Variants in SENP5 observed in about 807,000 individuals in gnomAD.
SENP5 encodes sentrin-specific protease 5.
A neutral mutation model predicts 74.2 loss-of-function variants in SENP5; 21 were observed. That is an observed-to-expected ratio of 0.28 (90% CI 0.20 to 0.41). The LOEUF is 0.41. Ranked by LOEUF, SENP5 falls within the 10% of genes least tolerant of loss-of-function variation. The pLI, the probability that SENP5 is intolerant of heterozygous loss-of-function variation, is 1.00. For synonymous variants in SENP5, 311 were observed against 312.7 expected (o/e 0.99, Z 0.06); for missense variants, 717 against 889.1 (o/e 0.81, Z 2.46).
intron 4 of SENP5, 61 bp downstream of exon 4, chr3:196,900,123 T>C: frequency 2.6e-6 from 4 of 1,562,446 alleles, no homozygotes; most frequent in Admixed American, 3.9e-5. Flanking sequence ...CAATAAAATA[T>C]AATCTCTAGT....
chr3:196,918,396 CTTTTT>C (rs34494616), intron 6 of SENP5, among the ~76,000 whole-genome samples: 1 of 141,466 alleles, frequency 7.1e-6, no homozygotes, highest in African/African-American at 2.6e-5. Context: ...TTTCTCTTGA[CTTTTT>C]TTTTTTTTGG....
chr3:196,922,322 C>A (rs1158086507), intron 6 of SENP5, among the ~76,000 whole-genome samples: 1 of 152,160 alleles, frequency 6.6e-6, no homozygotes, highest in Non-Finnish European at 1.5e-5. Flanking sequence ...CGTGGAAGAG[C>A]CACAATTTGA....
intron 5 of SENP5, 71 bp from the exon 6 acceptor site, chr3:196,903,462 T>A: frequency 1.1e-6 from 1 of 945,278 alleles, no homozygotes; most frequent in Non-Finnish European, 1.6e-6. Flanking sequence ...ATTTTAAAAT[T>A]TCCTCTTTTG....
intron 2 of SENP5, among the ~76,000 whole-genome samples, chr3:196,893,186 C>G (rs1361201079): frequency 6.6e-6 from 1 of 152,212 alleles, no homozygotes; most frequent in Non-Finnish European, 1.5e-5. Context: ...TCTCCACATT[C>G]AAGTCCTTTG....
intron 2 of SENP5, among the ~76,000 whole-genome samples, chr3:196,898,496 CA>C (rs1246582237): frequency 6.6e-6 from 1 of 150,834 alleles, no homozygotes; most frequent in Non-Finnish European, 1.5e-5. Context: ...GCTAACTATC[CA>C]AGCAGGAGGA....
chr3:196,873,181 G>C (rs1713293761), intron 1 of SENP5, among the ~76,000 whole-genome samples: 2 of 146,406 alleles, frequency 1.4e-5, no homozygotes, highest in South Asian at 4.3e-4. Flanking sequence ...TCAAGCAATT[G>C]TCCTGCCTCA....
chr3:196,881,648 T>C (rs1215404178), intron 1 of SENP5, among the ~76,000 whole-genome samples: 2 of 152,150 alleles, frequency 1.3e-5, no homozygotes, highest in Non-Finnish European at 2.9e-5. Context: ...GTCTATATAT[T>C]AGGGATATTA....
chr3:196,894,057 C>T (rs1415224806), intron 2 of SENP5, among the ~76,000 whole-genome samples: 1 of 150,588 alleles, frequency 6.6e-6, no homozygotes, highest in African/African-American at 2.4e-5. Context: ...AGGTTGTTTC[C>T]ACATATAAAG....
At chr3:196,869,218 G>A (rs186683756) in intron 1 of SENP5, among the ~76,000 whole-genome samples, 1 of 151,654 alleles carries the variant, frequency 6.6e-6, no homozygotes, top group African/African-American at 2.4e-5. Context: ...TTTTTGGAGG[G>A]GGGACAGGGT....
intron 6 of SENP5, chr3:196,912,753 A>C (rs1308208082): frequency 1.3e-5 from 2 of 152,176 alleles, no homozygotes; most frequent in African/African-American, 4.8e-5. Flanking sequence ...GTGTGCCTGT[A>C]GTCTCTGCTA....
intron 1 of SENP5, among the ~76,000 whole-genome samples, chr3:196,881,483 A>G (rs956307614): frequency 1.3e-5 from 2 of 152,164 alleles, no homozygotes; most frequent in African/African-American, 2.4e-5. Flanking sequence ...CACCAAGAGA[A>G]TGTGTTATAA....
chr3:196,881,971 T>C (rs1157500918), intron 1 of SENP5, among the ~76,000 whole-genome samples: 1 of 148,312 alleles, frequency 6.7e-6, no homozygotes, highest in Non-Finnish European at 1.5e-5. Flanking sequence ...TTTGGCTCAC[T>C]GCAGCCTTCA....
intron 6 of SENP5, among the ~76,000 whole-genome samples, chr3:196,917,901 AACAGAATGGCTTGACAC>A (rs1715447956): frequency 6.6e-6 from 1 of 152,198 alleles, no homozygotes. Context: ...AGTACACAAG[AACAGAATGGCTTGACAC>A]ACTAATTGCC....
At chr3:196,873,274 T>C (rs1000332854) in intron 1 of SENP5, among the ~76,000 whole-genome samples, 3 of 151,682 alleles carry the variant, frequency 2.0e-5, no homozygotes, top group Non-Finnish European at 4.4e-5. Context: ...GGTTTCTCCA[T>C]GTTGGTCAGG....
chr3:196,926,448 C>A lies in SENP5; in HGVS notation c.2023-1348C>A, dbSNP rs184784489. ...AGCGAGCCGAGATCGCACCACTACA[C>A]TCTAGCCTGGGTAACAGAGCAAGAC... On this transcript the variant is annotated intron_variant, in intron 7 of 9. Coordinates refer to ENST00000323460, the MANE Select transcript of SENP5 (RefSeq NM_152699.5). 3.4e-4 allele frequency among the ~76,000 whole-genome samples: 50 copies of A among 148,924 alleles called. No individual in the cohort carries two copies. In the East Asian group the frequency reaches 9.4e-3, roughly 28 times the overall value.
chr3:196,875,107 G>A (rs565338680), intron 1 of SENP5, among the ~76,000 whole-genome samples: 53 of 152,282 alleles, frequency 3.5e-4, no homozygotes, highest in African/African-American at 1.3e-3. Context: ...ACATGTGAAA[G>A]ACTAAAGGCA....
intron 6 of SENP5, among the ~76,000 whole-genome samples, chr3:196,913,492 C>T (rs1715220233): frequency 6.7e-6 from 1 of 150,006 alleles, no homozygotes. Context: ...TTTCTTAAAC[C>T]CAGGAGGCGG....
chr3:196,876,193 A>G (rs902566819), intron 1 of SENP5, among the ~76,000 whole-genome samples: 1 of 152,184 alleles, frequency 6.6e-6, no homozygotes. Context: ...TATTTTTTAC[A>G]TGTCCCTAAG....
chr3:196,920,605 C>T (rs1314877307), intron 6 of SENP5, among the ~76,000 whole-genome samples: 1 of 152,150 alleles, frequency 6.6e-6, no homozygotes, highest in Non-Finnish European at 1.5e-5. Context: ...AGTTCTCAGT[C>T]TTGGAAAGCA....
Sources: allele counts gnomAD v4.1 joint callset (sites outside exome capture counted in the v4.1 genomes callset), GRCh38; gene constraint gnomAD v4.1.1; transcripts MANE v1.5; gene names NCBI Gene and HGNC (gene_info 2026-07-23, HGNC 2026-07-21).